Variants in VCAN observed in about 807,000 individuals in gnomAD.
The protein encoded by VCAN is versican.
Under a neutral mutation model 245.5 loss-of-function variants are expected in VCAN, and 44 were observed. The ratio of observed to expected loss-of-function variants is 0.18; its 90% confidence interval spans 0.14 to 0.23. VCAN has a LOEUF of 0.23. Among genes scored for constraint, VCAN ranks in the 10% least tolerant of loss-of-function variants. The pLI is 1.00. For missense variants in VCAN, 3,793 were observed against 4,057.9 expected (o/e 0.93, Z 1.77); for synonymous variants, 1,413 against 1,437.0 (o/e 0.98, Z 0.38).
intron 12 of VCAN, 120 bp from the exon 13 acceptor site, chr5:83,572,296 G>C: frequency 1.6e-6 from 2 of 1,222,954 alleles, no homozygotes; most frequent in Non-Finnish European, 2.4e-6. Context: ...AATAATTTCA[G>C]CTATATGAAA....
intron 7 of VCAN, among the ~76,000 whole-genome samples, chr5:83,531,576 T>C (rs1208960385): frequency 2.0e-5 from 3 of 152,190 alleles, no homozygotes; most frequent in Non-Finnish European, 4.4e-5. Context: ...ATAAAATCCA[T>C]TTTAAAAAAG....
chr5:83,513,822 T>C (rs1260405425), intron 6 of VCAN, among the ~76,000 whole-genome samples: 1 of 152,224 alleles, frequency 6.6e-6, no homozygotes. Flanking sequence ...GTGACTGATA[T>C]AATTAAGGAG....
Position 83,483,576 on chromosome 5 carries a change from G to T in VCAN, c.58G>T (p.Ala20Ser), listed in dbSNP as rs1216091543. Reference protein sequence around the residue: ...WMCSTLIVTHALHKVKVGKSP... With the variant: ...WMCSTLIVTHSLHKVKVGKSP... ...GTGTTCAACCTTAATAGTAACCCATGCGCTACATAAAGGTGAGTGTGCTAA... is the reference window on the plus strand; with the variant it reads ...GTGTTCAACCTTAATAGTAACCCATTCGCTACATAAAGGTGAGTGTGCTAA... Residue 20 changes from alanine to serine, a missense_variant, in exon 2 of 15, where the codon GCG becomes TCG. Around this residue, in one of 5 missense-constraint regions of VCAN, gnomAD observed 179 missense variants for 169.7 expected, o/e 1.05. Transcript: ENST00000265077. The T allele has an allele frequency of 6.2e-7, 1 of 1,613,370 alleles. No homozygotes were observed. Among genetic ancestry groups the T allele is most frequent in the South Asian group, 1.1e-5 (1 of 91,050 alleles).
intron 5 of VCAN, among the ~76,000 whole-genome samples, chr5:83,496,521 G>C (rs1745164840): frequency 6.6e-6 from 1 of 152,162 alleles, no homozygotes; most frequent in African/African-American, 2.4e-5. Flanking sequence ...TCAAGCACTG[G>C]CTGAAATCAG....
intron 3 of VCAN, 99 bp downstream of exon 3, chr5:83,490,571 G>T: frequency 1.3e-6 from 2 of 1,550,282 alleles, no homozygotes; most frequent in Middle Eastern, 4.5e-4. Context: ...TTGGGGTTTG[G>T]ATGAGCGGAA....
chr5:83,517,609 C>T (rs1209187241), intron 6 of VCAN, among the ~76,000 whole-genome samples: 1 of 152,056 alleles, frequency 6.6e-6, no homozygotes, highest in Non-Finnish European at 1.5e-5. Flanking sequence ...TAGTCATCCA[C>T]ATTTTGGGTT....
At position 83,521,698 on chromosome 5, in the gene VCAN, C is replaced by A. The variant is rs2112412516; in HGVS notation, c.3392C>A (p.Ser1131Tyr). ...ACACCACGCATTGGGCCAAAAGTAT[C>A]TTTAAGTCCAGGGCCTGAACAAAAA... is the stretch of plus-strand genomic sequence containing the variant. ...TLTPRIGPKV[S>Y]LSPGPEQKYE... is the part of the protein sequence containing the mutation. The change falls in exon 7 of 15, where the codon TCT (serine) becomes TAT (tyrosine). Residue 1131 changes from serine (S) to tyrosine (Y), a missense_variant. Physicochemically the swap from Ser to Tyr is moderately radical, Grantham distance 144. Coordinates refer to ENST00000265077, the MANE Select transcript of VCAN (RefSeq NM_004385.5). 4 of 1,614,000 alleles carry A rather than the reference C, an allele frequency of 2.5e-6. No individual in the cohort carries two copies. The highest frequency in any genetic ancestry group is 3.4e-6 in the Non-Finnish European group (4 of 1,180,018).
At chr5:83,523,513 T>G (rs1033844329) in intron 7 of VCAN, among the ~76,000 whole-genome samples, 3 of 151,750 alleles carry the variant, frequency 2.0e-5, no homozygotes, top group Admixed American at 2.0e-4. Context: ...TGCTCAGGAG[T>G]GCACCTATTG....
intron 7 of VCAN, among the ~76,000 whole-genome samples, chr5:83,533,491 C>T (rs1332302433): frequency 6.6e-6 from 1 of 151,958 alleles, no homozygotes; most frequent in Non-Finnish European, 1.5e-5. Context: ...AGAGTGTTTG[C>T]CCTAGGGTCT....
At chr5:83,560,988 A>G (rs1337692261) in intron 12 of VCAN, among the ~76,000 whole-genome samples, 2 of 152,148 alleles carry the variant, frequency 1.3e-5, no homozygotes, top group African/African-American at 2.4e-5. Context: ...TGACATTGCC[A>G]TTCCATTTTT....
chr5:83,541,314 G>A lies in VCAN; in HGVS notation c.8311G>A (p.Glu2771Lys). 6.2e-7 allele frequency: 1 copy of A among 1,614,062 alleles called. No homozygotes were observed. Among genetic ancestry groups the A allele is most frequent in the Non-Finnish European group, 8.5e-7 (1 of 1,179,998 alleles). The change falls in exon 8 of 15, where the codon GAG becomes AAG. Residue 2771 changes from glutamate to lysine, a missense_variant. Physicochemically the swap from Glu to Lys is moderately conservative, Grantham distance 56. This residue lies in a region of VCAN where 3,182 missense variants were observed against 3,250.3 expected (regional missense o/e 0.98). Transcript: ENST00000265077. ...GCCAGAATTCTCTTCAGGAGCTGAG[G>A]AGGCATTAGTAGACCATACTCCCTA... ...FQPEFSSGAE[E>K]ALVDHTPYLS...
intron 12 of VCAN, among the ~76,000 whole-genome samples, chr5:83,563,684 T>C (rs1408307166): frequency 5.3e-5 from 8 of 152,168 alleles, no homozygotes. Context: ...TGCGTTTGGA[T>C]TGAATTTTGT....
intron 13 of VCAN, among the ~76,000 whole-genome samples, 169 bp from the exon 14 acceptor site, chr5:83,579,811 C>A (rs1748605796): frequency 6.6e-6 from 1 of 151,998 alleles, no homozygotes; most frequent in South Asian, 2.1e-4. Flanking sequence ...AGGCCCAGAG[C>A]CTCAACATTA....
In VCAN at chr5:83,553,458, A is replaced by T; in HGVS notation, c.9588A>T (p.Glu3196Asp). The change falls in exon 11 of 15, where the codon GAA becomes GAT. Residue 3196 changes from glutamate to aspartate, a missense_variant. Physicochemically the swap from Glu to Asp is conservative, Grantham distance 45. Transcript: ENST00000265077. ...GCACATGGGATGCAGCTGAACGGGA[A>T]TGCCGTCTGCAGGGTGCCCATCTCA... ...HRRTWDAAER[E>D]CRLQGAHLTS... The T allele has an allele frequency of 6.2e-7, 1 of 1,614,140 alleles. No individual in the cohort carries two copies. The highest frequency in any genetic ancestry group is 8.5e-7 in the Non-Finnish European group (1 of 1,179,974).
chr5:83,564,221 C>T (rs1747990563), intron 12 of VCAN, among the ~76,000 whole-genome samples: 1 of 152,148 alleles, frequency 6.6e-6, no homozygotes, highest in Middle Eastern at 3.4e-3. Context: ...ACATGGAGTA[C>T]ATAATTACGA....
chr5:83,502,086 T>C (rs1454911705), intron 5 of VCAN, among the ~76,000 whole-genome samples: 6 of 152,194 alleles, frequency 3.9e-5, no homozygotes, highest in African/African-American at 1.4e-4. Context: ...TTTTTGATTG[T>C]TTATTACAAG....
rs2112448761 is a variant in VCAN, at chr5:83,541,040, A to C, written c.8037A>C (p.Thr2679=). 1.2e-6 allele frequency: 2 copies of C among 1,614,120 alleles called. No homozygotes were observed. The highest frequency in any genetic ancestry group is 4.5e-5 in the East Asian group (2 of 44,872). Reference sequence around the variant, plus strand: ...CAACTGGGATCCCTGCTCCTAGCACAGAAACAGAATTAGACGTTTTACTTC... The same window carrying C: ...CAACTGGGATCCCTGCTCCTAGCACCGAAACAGAATTAGACGTTTTACTTC... ...HFTTGIPAPS[T]ETELDVLLPT... is the part of the protein sequence containing the mutation. Residue 2679 remains threonine (T), a synonymous_variant, in exon 8 of 15, where the codon ACA becomes ACC. Coordinates refer to ENST00000265077, the MANE Select transcript of VCAN (RefSeq NM_004385.5).
intron 5 of VCAN, among the ~76,000 whole-genome samples, chr5:83,503,674 C>T (rs1438053672): frequency 1.3e-5 from 2 of 152,196 alleles, no homozygotes; most frequent in Non-Finnish European, 2.9e-5. Context: ...TATCACATCA[C>T]CCAGCAAATA....
At chr5:83,497,234 A>T (rs1393538875) in intron 5 of VCAN, among the ~76,000 whole-genome samples, 1 of 152,192 alleles carries the variant, frequency 6.6e-6, no homozygotes, top group Non-Finnish European at 1.5e-5. Flanking sequence ...TAATTTAATT[A>T]TTTATTGTGA....
Sources: gnomAD v4.1 joint callset for allele counts (sites outside exome capture counted in the v4.1 genomes callset) on GRCh38, gnomAD v4.1.1 for gene constraint, gnomAD v4.1.1 regional missense constraint, MANE v1.5 for transcripts, NCBI Gene and HGNC (gene_info 2026-07-23, HGNC 2026-07-21) for gene names.